The following TYW1B variants were observed in gnomAD, a reference collection of about 807,000 sequenced individuals.
The protein encoded by TYW1B is S-adenosyl-L-methionine-dependent tRNA 4-demethylwyosine synthase TYW1B.
Under a neutral mutation model 86.9 loss-of-function variants are expected in TYW1B, and 73 were observed. The observed-to-expected ratio is 0.84, with a 90% CI of 0.70 to 1.02. TYW1B has a LOEUF of 1.02. TYW1B is among the 50% of genes least tolerant of loss of function. TYW1B has a pLI of 0.00. For synonymous variants in TYW1B, 248 were observed against 292.8 expected (o/e 0.85, Z 1.56); for missense variants, 637 against 827.4 (o/e 0.77, Z 2.82).
intron 11 of TYW1B, among the ~76,000 whole-genome samples, chr7:72,687,919 G>A (rs1161629407): frequency 6.6e-6 from 1 of 152,070 alleles, no homozygotes; most frequent in Non-Finnish European, 1.5e-5. Flanking sequence ...CAGGTGTGGT[G>A]GAGCACATCT....
intron 8 of TYW1B, among the ~76,000 whole-genome samples, chr7:72,742,748 A>T (rs1339211735): frequency 2.0e-5 from 3 of 152,172 alleles, no homozygotes; most frequent in African/African-American, 7.2e-5. Context: ...ATAACCCCCA[A>T]ATCAAGTTAT....
chr7:72,639,595 G>C (rs1812755021), intron 11 of TYW1B, among the ~76,000 whole-genome samples: 1 of 152,156 alleles, frequency 6.6e-6, no homozygotes, highest in East Asian at 1.9e-4. Flanking sequence ...TGGGCACAGT[G>C]GCTCATGCCT....
rs1243823516 is a variant in TYW1B at position 72,575,588 on chromosome 7, C to G, written c.1917G>C (p.Trp639Cys). The G allele has an allele frequency of 1.2e-5, 19 of 1,613,834 alleles. No homozygotes were observed. Among genetic ancestry groups the G allele is most frequent in the Non-Finnish European group, 1.5e-5 (18 of 1,179,856 alleles). Residue 639 changes from tryptophan to cysteine, a missense_variant, in exon 14 of 14, where the codon TGG (tryptophan) becomes TGC (cysteine). Coordinates refer to ENST00000620995, the MANE Select transcript of TYW1B (RefSeq NM_001145440.3). The stretch of plus-strand genomic sequence containing the variant: ...TTCTTTCATTGGCACCAAATAATGC[C>G]CAGTGAGGAGTTCTGGCCATATAAT... Reference protein sequence around the residue: ...AKDYMARTPHWALFGANERSF... With the variant: ...AKDYMARTPHCALFGANERSF...
chr7:72,607,585 T>G (rs1421993904), intron 13 of TYW1B, among the ~76,000 whole-genome samples: 3 of 151,500 alleles, frequency 2.0e-5, no homozygotes, highest in African/African-American at 7.3e-5. Context: ...ATAACTAAAA[T>G]AATAAATGGT....
intron 4 of TYW1B, among the ~76,000 whole-genome samples, chr7:72,807,649 C>T (rs1361380923): frequency 6.6e-6 from 1 of 152,122 alleles, no homozygotes; most frequent in Non-Finnish European, 1.5e-5. Context: ...TTGAAACCTA[C>T]CATTCTATAT....
intron 10 of TYW1B, among the ~76,000 whole-genome samples, chr7:72,706,283 C>T (rs1554453633): frequency 1.3e-5 from 2 of 151,726 alleles, no homozygotes; most frequent in Admixed American, 6.6e-5. Context: ...CAAAATTAGC[C>T]GGGTGTGGTG....
chr7:72,711,626 T>G (rs1786670762), intron 10 of TYW1B, among the ~76,000 whole-genome samples: 1 of 151,378 alleles, frequency 6.6e-6, no homozygotes, highest in East Asian at 1.9e-4. Flanking sequence ...ACTGCCACCA[T>G]GCCTGGCTTA....
At chr7:72,797,294 C>T (rs1277137250) in intron 6 of TYW1B, among the ~76,000 whole-genome samples, 3 of 152,152 alleles carry the variant, frequency 2.0e-5, no homozygotes, top group African/African-American at 7.2e-5. Context: ...TAATCAACTG[C>T]CCAATGATTT....
intron 8 of TYW1B, among the ~76,000 whole-genome samples, chr7:72,734,687 A>T (rs1787169331): frequency 6.6e-6 from 1 of 152,350 alleles, no homozygotes; most frequent in South Asian, 2.1e-4. Context: ...GAATGACAGA[A>T]GATATTTCCA....
intron 8 of TYW1B, among the ~76,000 whole-genome samples, chr7:72,738,654 C>A (rs1787244012): frequency 1.3e-5 from 2 of 152,088 alleles, no homozygotes; most frequent in Non-Finnish European, 2.9e-5. Context: ...CTGTGTGGGA[C>A]AAGAAATAGC....
intron 11 of TYW1B, among the ~76,000 whole-genome samples, chr7:72,688,149 C>T (rs1324443736): frequency 6.6e-6 from 1 of 152,042 alleles, no homozygotes; most frequent in African/African-American, 2.4e-5. Flanking sequence ...AGATGTAATA[C>T]AATATAGTAA....
At chr7:72,671,102 T>TG (rs1813590519) in intron 11 of TYW1B, among the ~76,000 whole-genome samples, 2 of 152,148 alleles carry the variant, frequency 1.3e-5, no homozygotes, top group Non-Finnish European at 1.5e-5. Flanking sequence ...CCCTGTTCTC[T>TG]GGTCAGAGAG....
At chr7:72,619,022 T>C (rs1554437431) in intron 12 of TYW1B, among the ~76,000 whole-genome samples, 2 of 152,158 alleles carry the variant, frequency 1.3e-5, no homozygotes, top group Non-Finnish European at 2.9e-5. Context: ...AATTTGCATA[T>C]GCAAACCACG....
At chr7:72,578,065 C>T (rs529097539) in intron 13 of TYW1B, among the ~76,000 whole-genome samples, 10 of 152,046 alleles carry the variant, frequency 6.6e-5, no homozygotes, top group South Asian at 4.2e-4. Context: ...ACCTTAACAA[C>T]GTATGCCGTC....
At chr7:72,591,032 A>G (rs1479590211) in intron 13 of TYW1B, among the ~76,000 whole-genome samples, 1 of 152,204 alleles carries the variant, frequency 6.6e-6, no homozygotes, top group East Asian at 1.9e-4. Context: ...CTGGAACTAA[A>G]AAGTATAATA....
rs371830135 is a variant in TYW1B, at chr7:72,709,451, A to G, written c.1370+4170T>C. ...TGGGAGGCCAAGGCGGGCGGATCAC[A>G]AGGTCAGGAGATCGAGACCATCCTG... On this transcript the variant is annotated intron_variant, in intron 10 of 13. Transcript: ENST00000620995. Among the ~76,000 whole-genome samples the G allele has an allele frequency of 3.0e-3, 427 of 140,988 alleles. 2 individuals carry two copies. Among genetic ancestry groups the G allele is most frequent in the African/African-American group, 4.8e-3 (176 of 36,844 alleles). 92.5% of individuals were successfully genotyped at this position (140,988 alleles called of 152,430 possible). A position where few individuals can be genotyped will look rare whatever the true frequency, so the allele number is the denominator to read the frequency against.
intron 12 of TYW1B, among the ~76,000 whole-genome samples, chr7:72,625,873 GA>G (rs1185639270): frequency 1.8e-5 from 2 of 113,792 alleles, no homozygotes; most frequent in Non-Finnish European, 3.4e-5. Flanking sequence ...GCGAAAGTAA[GA>G]AAGGAGGGGG....
chr7:72,744,569 T>C lies in TYW1B; in HGVS notation c.997A>G (p.Thr333Ala), dbSNP rs1554463225. ...TGGCTCTCATTCCATAGAATGTGTG[T>C]TTGTAACAAGCTCCTCTCCCTCGGA... is the stretch of plus-strand genomic sequence containing the variant. ...DAPRERSLLQ[T>A]HILWNESHRC... is the part of the protein sequence containing the mutation. The change falls in exon 8 of 14, where the codon ACA (threonine) becomes GCA (alanine). Residue 333 changes from threonine to alanine, a missense_variant. Physicochemically the swap from Thr to Ala is moderately conservative, Grantham distance 58. Transcript: ENST00000620995. 5 of 1,613,734 alleles carry C rather than the reference T, an allele frequency of 3.1e-6. No individual in the cohort carries two copies. Among genetic ancestry groups the C allele is most frequent in the Non-Finnish European group, 4.2e-6 (5 of 1,179,698 alleles).
intron 11 of TYW1B, among the ~76,000 whole-genome samples, chr7:72,672,754 A>G (rs1813640252): frequency 6.6e-6 from 1 of 152,216 alleles, no homozygotes; most frequent in South Asian, 2.1e-4. Context: ...AGACAACAGT[A>G]TATATGTACA....
Sources: allele counts gnomAD v4.1 joint callset (sites outside exome capture counted in the v4.1 genomes callset), GRCh38; gene constraint gnomAD v4.1.1; transcripts MANE v1.5; gene names NCBI Gene and HGNC (gene_info 2026-07-23, HGNC 2026-07-21).